The following SYN3 variants were observed in gnomAD, a reference collection of about 807,000 sequenced individuals.
The protein encoded by SYN3 is synapsin III, also known as synapsin-3.
Under a neutral mutation model 65.8 loss-of-function variants are expected in SYN3, and 35 were observed. That is an observed-to-expected ratio of 0.53 (90% confidence interval 0.41 to 0.70). The LOEUF (loss-of-function observed/expected upper bound fraction) is 0.70. Among genes scored for constraint, SYN3 ranks in the 30% least tolerant of loss-of-function variants. SYN3 has a pLI of 0.00. For missense variants in SYN3, 680 were observed against 749.0 expected (o/e 0.91, Z 1.08); for synonymous variants, 270 against 292.9 (o/e 0.92, Z 0.80).
At chr22:32,857,313 T>G in intron 6 of SYN3, 1 of 1,614,162 alleles carries the variant, frequency 6.2e-7, no homozygotes, top group East Asian at 2.2e-5. Context: ...TCCGAGAGTC[T>G]CTGTGGCCTT....
rs558174958 is a variant in SYN3 at position 32,745,132 on chromosome 22, C to A, written c.711+119783G>T. Among the ~76,000 whole-genome samples, 21 of 152,172 alleles carry A rather than the reference C, an allele frequency of 1.4e-4. No individual in the cohort carries two copies. In the South Asian group the frequency reaches 3.3e-3, roughly 24 times the overall value. Reference sequence around the variant, plus strand: ...GTTCACTGCTAGGAACCAGGAGGAGCCAGGATTTGAATCCAGCCAGCAGGG... The same window carrying A: ...GTTCACTGCTAGGAACCAGGAGGAGACAGGATTTGAATCCAGCCAGCAGGG... On this transcript the variant is annotated intron_variant, in intron 6 of 13. Transcript: ENST00000358763.
chr22:32,619,768 G>A (rs1262645241), intron 6 of SYN3, among the ~76,000 whole-genome samples: 1 of 152,188 alleles, frequency 6.6e-6, no homozygotes, highest in East Asian at 1.9e-4. Flanking sequence ...CCAAGGCAGT[G>A]CAGCAGAAGT....
intron 6 of SYN3, among the ~76,000 whole-genome samples, chr22:32,781,955 C>T (rs916662370): frequency 6.6e-6 from 1 of 152,052 alleles, no homozygotes; most frequent in African/African-American, 2.4e-5. Flanking sequence ...TGAAGTTTTC[C>T]TTCCATGTGT....
At chr22:32,886,728 C>T (rs1306063367) in intron 4 of SYN3, among the ~76,000 whole-genome samples, 2 of 152,244 alleles carry the variant, frequency 1.3e-5, no homozygotes, top group Admixed American at 6.5e-5. Context: ...ACTGATGTTT[C>T]AGTGACTATG....
At chr22:33,032,976 G>A (rs1254372938) in intron 1 of SYN3, among the ~76,000 whole-genome samples, 1 of 151,894 alleles carries the variant, frequency 6.6e-6, no homozygotes, top group Non-Finnish European at 1.5e-5. Flanking sequence ...CCTCTCGACT[G>A]CTCTCTAGGC....
intron 3 of SYN3, among the ~76,000 whole-genome samples, chr22:32,946,926 T>C (rs1244990626): frequency 6.6e-6 from 1 of 152,220 alleles, no homozygotes; most frequent in Non-Finnish European, 1.5e-5. Flanking sequence ...GGTATTTTGC[T>C]ACTCTTGCTA....
At chr22:32,832,175 C>A (rs2047592567) in intron 6 of SYN3, among the ~76,000 whole-genome samples, 1 of 152,196 alleles carries the variant, frequency 6.6e-6, no homozygotes, top group Non-Finnish European at 1.5e-5. Context: ...CTAGAAGAGG[C>A]AGCTGAAGCA....
At chr22:32,742,976 G>T (rs147344061) in intron 6 of SYN3, among the ~76,000 whole-genome samples, 59 of 152,270 alleles carry the variant, frequency 3.9e-4, no homozygotes, top group African/African-American at 1.3e-3. Context: ...TTATAGGGAA[G>T]AAATCAGAGA....
intron 1 of SYN3, chr22:33,015,220 CAAAAA>C (rs1158885870): frequency 2.7e-4 from 28 of 101,882 alleles, no homozygotes; most frequent in South Asian, 6.6e-4. Context: ...GACTCCGTCT[CAAAAA>C]AAAAAAAAAA....
At chr22:32,779,484 T>C (rs190520170) in intron 6 of SYN3, among the ~76,000 whole-genome samples, 163 of 151,910 alleles carry the variant, frequency 1.1e-3, no homozygotes, top group African/African-American at 3.6e-3. Flanking sequence ...AACAAACAAA[T>C]CTATGAAGCA....
intron 6 of SYN3, chr22:32,802,129 G>T (rs2046604826): frequency 6.3e-7 from 1 of 1,578,538 alleles, no homozygotes; most frequent in Non-Finnish European, 8.6e-7. Flanking sequence ...ATCGGTAAGC[G>T]CTCCTGGTGC....
At chr22:32,582,703 G>A (rs1316898421) in intron 7 of SYN3, among the ~76,000 whole-genome samples, 1 of 152,016 alleles carries the variant, frequency 6.6e-6, no homozygotes, top group East Asian at 1.9e-4. Context: ...TTTTTAAGGG[G>A]CTCCCAGGTG....
At chr22:32,655,527 T>C (rs1202476930) in intron 6 of SYN3, among the ~76,000 whole-genome samples, 7 of 152,090 alleles carry the variant, frequency 4.6e-5, no homozygotes, top group Non-Finnish European at 7.4e-5. Flanking sequence ...TTATACCCCA[T>C]TGCTCGTATT....
At chr22:32,803,878 T>C (rs897656072) in intron 6 of SYN3, among the ~76,000 whole-genome samples, 2 of 152,188 alleles carry the variant, frequency 1.3e-5, no homozygotes, top group Non-Finnish European at 2.9e-5. Flanking sequence ...GTCCCCATTC[T>C]TCCCCCTTGC....
chr22:32,720,122 G>A (rs1007973798), intron 6 of SYN3, among the ~76,000 whole-genome samples: 7 of 152,200 alleles, frequency 4.6e-5, no homozygotes, highest in East Asian at 3.9e-4. Context: ...AAGGGCAATG[G>A]TAGTACCGGC....
intron 6 of SYN3, among the ~76,000 whole-genome samples, chr22:32,667,878 A>AG (rs2060311555): frequency 0.019 from 1 of 54 alleles, no homozygotes; most frequent in Non-Finnish European, 0.033. Flanking sequence ...GCCCACTGCA[A>AG]GTCCGCCCGG....
intron 6 of SYN3, among the ~76,000 whole-genome samples, chr22:32,606,872 A>G (rs1047790149): frequency 6.6e-6 from 1 of 151,166 alleles, no homozygotes; most frequent in Non-Finnish European, 1.5e-5. Flanking sequence ...ATTTATTTTT[A>G]TTATACTTTA....
intron 6 of SYN3, among the ~76,000 whole-genome samples, chr22:32,718,428 CGA>C (rs901026119): frequency 3.3e-5 from 5 of 151,046 alleles, no homozygotes; most frequent in African/African-American, 1.2e-4. Flanking sequence ...TGGTAGGACC[CGA>C]GGTGTGCCCC....
chr22:33,004,014 C>T (rs2053134282), intron 2 of SYN3, among the ~76,000 whole-genome samples: 2 of 152,254 alleles, frequency 1.3e-5, no homozygotes, highest in African/African-American at 4.8e-5. Context: ...CAAGCCTTGG[C>T]ACCTTCCACA....
Sources: gnomAD v4.1 joint callset for allele counts (sites outside exome capture counted in the v4.1 genomes callset) on GRCh38, gnomAD v4.1.1 for gene constraint, MANE v1.5 for transcripts, NCBI Gene and HGNC (gene_info 2026-07-23, HGNC 2026-07-21) for gene names.